Variants in ADAMTS12 observed in about 807,000 individuals in gnomAD.
The protein encoded by ADAMTS12 is ADAM metallopeptidase with thrombospondin type 1 motif 12.
Under a neutral mutation model 167.8 loss-of-function variants are expected in ADAMTS12, and 118 were observed. That is an observed-to-expected ratio of 0.70 (90% CI 0.61 to 0.82). ADAMTS12 has a LOEUF of 0.82. Among genes scored for constraint, ADAMTS12 ranks in the 40% least tolerant of loss-of-function variants. The probability of loss-of-function intolerance (pLI) is 0.00; values close to 1 mark genes in which losing one functional copy is unlikely to be tolerated. For missense variants in ADAMTS12, 1,916 were observed against 1,998.8 expected, an observed-to-expected ratio of 0.96 and a Z score of 0.79; for synonymous variants, 704 against 716.9, an observed-to-expected ratio of 0.98 and a Z score of 0.29.
intron 6 of ADAMTS12, among the ~76,000 whole-genome samples, chr5:33,661,068 A>C (rs1194826772): frequency 6.6e-6 from 1 of 152,142 alleles, no homozygotes; most frequent in Non-Finnish European, 1.5e-5. Context: ...TCAGTGCTTG[A>C]AGTTCTCTGT....
At chr5:33,731,174 T>G (rs2112353078) in intron 3 of ADAMTS12, among the ~76,000 whole-genome samples, 1 of 151,666 alleles carries the variant, frequency 6.6e-6, no homozygotes, top group East Asian at 1.9e-4. Flanking sequence ...GTTTCTTCTC[T>G]GCTTATCTTT....
At chr5:33,820,410 T>C (rs1374895733) in intron 2 of ADAMTS12, among the ~76,000 whole-genome samples, 1 of 152,218 alleles carries the variant, frequency 6.6e-6, no homozygotes, top group Non-Finnish European at 1.5e-5. Context: ...TTTCCTATCC[T>C]GGACCTCTTA....
intron 12 of ADAMTS12, among the ~76,000 whole-genome samples, chr5:33,636,278 G>T (rs1182007581): frequency 2.0e-5 from 3 of 152,096 alleles, no homozygotes; most frequent in African/African-American, 7.2e-5. Context: ...GAGTCTACAG[G>T]ACCACTGACC....
At chr5:33,700,261 A>G (rs1412283974) in intron 3 of ADAMTS12, among the ~76,000 whole-genome samples, 3 of 152,238 alleles carry the variant, frequency 2.0e-5, no homozygotes, top group Non-Finnish European at 2.9e-5. Flanking sequence ...AGCTTTATGC[A>G]TAATAGCCAA....
intron 5 of ADAMTS12, among the ~76,000 whole-genome samples, chr5:33,676,210 T>G (rs901257054): frequency 1.3e-5 from 2 of 152,196 alleles, no homozygotes; most frequent in African/African-American, 4.8e-5. Context: ...GGAAATAATT[T>G]TGCAAGAACG....
chr5:33,848,160 T>C (rs2078682253), intron 2 of ADAMTS12, among the ~76,000 whole-genome samples: 1 of 151,022 alleles, frequency 6.6e-6, no homozygotes, highest in South Asian at 2.1e-4. Flanking sequence ...GAGGTTGCAA[T>C]GAGCCAAGAT....
At position 33,576,796 on chromosome 5, in the gene ADAMTS12, C is replaced by G; in HGVS notation, c.3230G>C (p.Ser1077Thr). The G allele has an allele frequency of 6.2e-7, 1 of 1,614,194 alleles. No homozygotes were observed. Among genetic ancestry groups the G allele is most frequent in the Non-Finnish European group, 8.5e-7 (1 of 1,180,030 alleles). The change falls in exon 19 of 24, where the codon AGC becomes ACC. Residue 1077 changes from serine to threonine, a missense_variant. Coordinates refer to ENST00000504830, the MANE Select transcript of ADAMTS12 (RefSeq NM_030955.4). ...TCCAGTGGAAATGAGATAGCGAGAG[C>G]TCAGCTCAGGTTGGGTTGAGCTATC... ...WQDSSTQPEL[S>T]SRYLISTGST...
At chr5:33,833,218 C>T (rs1015691878) in intron 2 of ADAMTS12, among the ~76,000 whole-genome samples, 5 of 152,170 alleles carry the variant, frequency 3.3e-5, no homozygotes, top group Non-Finnish European at 5.9e-5. Context: ...CCAGTAAGTT[C>T]CAAGTACACC....
chr5:33,581,648 C>A (rs755487254), intron 18 of ADAMTS12, among the ~76,000 whole-genome samples: 1 of 152,172 alleles, frequency 6.6e-6, no homozygotes, highest in Non-Finnish European at 1.5e-5. Context: ...CATACAAACA[C>A]CAGCTTTGAA....
At chr5:33,672,976 A>G (rs768276702) in intron 5 of ADAMTS12, among the ~76,000 whole-genome samples, 1 of 152,228 alleles carries the variant, frequency 6.6e-6, no homozygotes, top group Non-Finnish European at 1.5e-5. Flanking sequence ...CTGGTTTCCA[A>G]ACTATTGAGG....
chr5:33,691,132 A>G lies in ADAMTS12; in HGVS notation c.635-7077T>C, dbSNP rs377119945. The stretch of plus-strand genomic sequence containing the variant: ...CAGTGGTGAGCTGGCCATTGCTGCA[A>G]GTGTTCAAAAAGAGTTTACTCCTGC... On this transcript the variant is annotated intron_variant, in intron 3 of 23. Transcript: ENST00000504830. Among the ~76,000 whole-genome samples, 11 of 152,310 alleles carry G rather than the reference A, an allele frequency of 7.2e-5. No individual in the cohort carries two copies. In the South Asian group the frequency reaches 2.1e-3, roughly 29 times the overall value.
Position 33,527,087 on chromosome 5 carries a change from A to G in ADAMTS12, c.*101T>C, listed in dbSNP as rs1743853493. The G allele has an allele frequency of 7.0e-7, 1 of 1,434,624 alleles. No individual in the cohort carries two copies. Among genetic ancestry groups the G allele is most frequent in the Non-Finnish European group, 9.5e-7 (1 of 1,048,018 alleles). 88.9% of individuals were successfully genotyped at this position (1,434,624 alleles called of 1,614,324 possible). A position where few individuals can be genotyped will look rare whatever the true frequency, so the allele number is the denominator to read the frequency against. Reference sequence around the variant, plus strand: ...TCATCATGACCCAAAGCTGAATCTGAAATATATGAAGCAAAACCTCAACGA... The same window carrying G: ...TCATCATGACCCAAAGCTGAATCTGGAATATATGAAGCAAAACCTCAACGA... On this transcript the variant is annotated 3_prime_UTR_variant, in exon 24 of 24. Coordinates refer to ENST00000504830, the MANE Select transcript of ADAMTS12 (RefSeq NM_030955.4).
chr5:33,599,580 C>T (rs13184210), intron 16 of ADAMTS12, among the ~76,000 whole-genome samples: 74,911 of 151,802 alleles, frequency 0.49, 18,954 homozygotes, highest in South Asian at 0.62. Flanking sequence ...GCCTTATTCC[C>T]CTGACCCTTC....
intron 5 of ADAMTS12, among the ~76,000 whole-genome samples, chr5:33,680,666 A>C (rs1742078850): frequency 6.6e-6 from 1 of 152,178 alleles, no homozygotes. Flanking sequence ...ACAAATATAC[A>C]ATGAGCACAT....
intron 3 of ADAMTS12, among the ~76,000 whole-genome samples, chr5:33,700,860 AGT>A (rs1742977520): frequency 6.7e-6 from 1 of 148,162 alleles, no homozygotes; most frequent in Admixed American, 6.7e-5. Context: ...CAATTATCTC[AGT>A]AATAATTTTA....
In ADAMTS12 at chr5:33,611,686, A is replaced by G. The variant is rs530171255; in HGVS notation, c.2527+2552T>C. Among the ~76,000 whole-genome samples the G allele has an allele frequency of 4.7e-4, 72 of 152,336 alleles. 1 individual carries two copies. In the South Asian group the frequency reaches 0.015, roughly 31 times the overall value. On this transcript the variant is annotated intron_variant, in intron 16 of 23. Transcript: ENST00000504830. ...TTACACAGGTCCCTAAATGCTCATC[A>G]GAAGAACAGCAATAAGGAATTGGTT...
chr5:33,832,828 AT>A (rs1748352557), intron 2 of ADAMTS12, among the ~76,000 whole-genome samples: 2 of 152,326 alleles, frequency 1.3e-5, no homozygotes, highest in Non-Finnish European at 2.9e-5. Flanking sequence ...ACTCTCACAT[AT>A]GCACTAAAGA....
In ADAMTS12 at chr5:33,577,141, C is replaced by A; in HGVS notation, c.2885G>T (p.Gly962Val). Reference protein sequence around the residue: ...NWSECSVSCGGGVRIRSVTCA... With the variant: ...NWSECSVSCGVGVRIRSVTCA... ...TGTGACACTGCGAATCCGCACTCCA[C>A]CACCACAGGAAACAGAACACTAGAA... The change falls in exon 19 of 24, where the codon GGT (glycine) becomes GTT (valine). Residue 962 changes from glycine (G) to valine (V), a missense_variant. Physicochemically the swap from Gly to Val is moderately radical, Grantham distance 109 (BLOSUM62 -3). Coordinates refer to ENST00000504830, the MANE Select transcript of ADAMTS12 (RefSeq NM_030955.4). 1.2e-6 allele frequency: 2 copies of A among 1,614,118 alleles called. No homozygotes were observed. Among genetic ancestry groups the A allele is most frequent in the Non-Finnish European group, 1.7e-6 (2 of 1,180,012 alleles).
intron 2 of ADAMTS12, among the ~76,000 whole-genome samples, chr5:33,851,943 A>G (rs1392592263): frequency 6.6e-6 from 1 of 152,112 alleles, no homozygotes; most frequent in Non-Finnish European, 1.5e-5. Flanking sequence ...AATCAACTCT[A>G]ATTTGTCCGG....
Sources: allele counts gnomAD v4.1 joint callset (sites outside exome capture counted in the v4.1 genomes callset), GRCh38; gene constraint gnomAD v4.1.1; transcripts MANE v1.5; gene names NCBI Gene and HGNC (gene_info 2026-07-23, HGNC 2026-07-21).